The following MYEF2 variants were observed in gnomAD, a reference collection of about 807,000 sequenced individuals.
MYEF2 encodes myelin expression factor 2.
A neutral mutation model predicts 75.2 loss-of-function variants in MYEF2; 37 were observed. The observed-to-expected ratio is 0.49, with a 90% CI of 0.38 to 0.65. The LOEUF (loss-of-function observed/expected upper bound fraction) is 0.65, where lower values mean the gene tolerates loss of function less well. Ranked by LOEUF, MYEF2 falls within the 30% of genes least tolerant of loss-of-function variation. The pLI is 0.00. For missense variants in MYEF2, 634 were observed against 771.4 expected (o/e 0.82, Z 2.11); for synonymous variants, 195 against 241.6 (o/e 0.81, Z 1.79).
intron 16 of MYEF2, among the ~76,000 whole-genome samples, chr15:48,146,392 T>C (rs146615513): frequency 1.1e-3 from 165 of 152,070 alleles, no homozygotes; most frequent in African/African-American, 3.9e-3. Flanking sequence ...CTTTAGGGGC[T>C]TGATGGAACC....
rs554958539 is a variant in MYEF2 at position 48,140,544 on chromosome 15, T to G, written c.*2364A>C. 2 of 152,174 alleles carry G rather than the reference T, an allele frequency of 1.3e-5. No homozygotes were observed. Among genetic ancestry groups the G allele is most frequent in the African/African-American group, 2.4e-5 (1 of 41,424 alleles). The allele number at this position is 152,174 out of a possible 1,614,324, so 9.4% of individuals were successfully genotyped here. On this transcript the variant is annotated 3_prime_UTR_variant, in exon 17 of 17. Transcript: ENST00000324324. ...CAAATTTAACAGAAGTATTAATAAA[T>G]TGGGACCATATGTTAGACTCAAGTA...
intron 16 of MYEF2, among the ~76,000 whole-genome samples, chr15:48,144,980 T>C (rs191404780): frequency 6.6e-6 from 1 of 152,066 alleles, no homozygotes; most frequent in Non-Finnish European, 1.5e-5. Flanking sequence ...TCACTATTTC[T>C]TGCATAATCT....
At chr15:48,168,087 G>A (rs924241448) in intron 2 of MYEF2, among the ~76,000 whole-genome samples, 1 of 151,874 alleles carries the variant, frequency 6.6e-6, no homozygotes, top group African/African-American at 2.4e-5. Context: ...AACCAACCAT[G>A]TATATAAGAT....
In MYEF2 at chr15:48,141,261, G is replaced by T. The variant is rs1452856104; in HGVS notation, c.*1647C>A. ...CTGCAATGGTCATTCTACAAGGCTA[G>T]AATGAGTAAAAGTAGCTTTAAAAAT... On this transcript the variant is annotated 3_prime_UTR_variant, in exon 17 of 17. Transcript: ENST00000324324. 3 of 1,428,186 alleles carry T rather than the reference G, an allele frequency of 2.1e-6. No homozygotes were observed. The highest frequency in any genetic ancestry group is 3.0e-6 in the Non-Finnish European group (3 of 1,015,034). 88.5% of individuals were successfully genotyped at this position (1,428,186 alleles called of 1,614,324 possible).
intron 16 of MYEF2, among the ~76,000 whole-genome samples, chr15:48,145,881 C>T (rs1052447368): frequency 3.3e-5 from 5 of 151,876 alleles, no homozygotes; most frequent in African/African-American, 1.2e-4. Flanking sequence ...TGTACTATTA[C>T]TGCAATTTTA....
intron 5 of MYEF2, among the ~76,000 whole-genome samples, chr15:48,163,441 A>T (rs1437454736): frequency 6.6e-6 from 1 of 152,230 alleles, no homozygotes; most frequent in Non-Finnish European, 1.5e-5. Context: ...CTGGTTCATG[A>T]GATTTAAAGA....
chr15:48,150,681 C>T (rs2039459032), intron 14 of MYEF2, among the ~76,000 whole-genome samples: 1 of 151,842 alleles, frequency 6.6e-6, no homozygotes, highest in African/African-American at 2.4e-5. Flanking sequence ...CAGGAGATGC[C>T]TAAGAGTGCT....
At chr15:48,167,286 T>C (rs2040167299) in intron 3 of MYEF2, 63 bp downstream of exon 3, 3 of 1,514,424 alleles carry the variant, frequency 2.0e-6, no homozygotes, top group South Asian at 2.3e-5. Context: ...ACAAGTATTA[T>C]ACAAAAAGTA....
chr15:48,151,343 A>G (rs75263091), intron 13 of MYEF2, 130 bp downstream of exon 13: 3 of 1,050,012 alleles, frequency 2.9e-6, no homozygotes, highest in Non-Finnish European at 2.9e-6. Context: ...TAAAATCCTT[A>G]AAGTGTTTTC....
At chr15:48,164,846 G>A (rs1025632925) in intron 5 of MYEF2, among the ~76,000 whole-genome samples, 1 of 152,132 alleles carries the variant, frequency 6.6e-6, no homozygotes, top group Non-Finnish European at 1.5e-5. Context: ...TGTGCTTTTA[G>A]ACATAATGCT....
At position 48,142,563 on chromosome 15, in the gene MYEF2, A is replaced by G; in HGVS notation, c.*345T>C. Reference sequence around the variant, plus strand: ...TTATAAAACAGAAGTTTGGGGGGAAAAAATCTATGTTTTACCATACAATAA... The same window carrying G: ...TTATAAAACAGAAGTTTGGGGGGAAGAAATCTATGTTTTACCATACAATAA... On this transcript the variant is annotated 3_prime_UTR_variant, in exon 17 of 17. Coordinates refer to ENST00000324324, the MANE Select transcript of MYEF2 (RefSeq NM_016132.5). 2 of 479,778 alleles carry G rather than the reference A, an allele frequency of 4.2e-6. No homozygotes were observed. The highest frequency in any genetic ancestry group is 3.4e-5 in the East Asian group (1 of 29,374). 29.7% of individuals were successfully genotyped at this position (479,778 alleles called of 1,614,324 possible).
intron 14 of MYEF2, among the ~76,000 whole-genome samples, chr15:48,150,685 GAGTGC>G (rs2039459438): frequency 6.6e-6 from 1 of 151,978 alleles, no homozygotes; most frequent in African/African-American, 2.4e-5. Flanking sequence ...AGATGCCTAA[GAGTGC>G]TATATCTGCA....
At position 48,168,721 on chromosome 15, in the gene MYEF2, T is replaced by C; in HGVS notation, c.280A>G (p.Lys94Glu). ...SKDKNSGAGE[K>E]KGPNRNRVFI... ...ACTCTGTTACGATTTGGACCCTTCT[T>C]TTCTCCAGCGCCCGAATTCTTGTCT... The change falls in exon 2 of 17, where the codon AAG becomes GAG. Residue 94 changes from lysine (K) to glutamate (E), a missense_variant. Lys to Glu is a moderately conservative substitution (Grantham distance 56). Coordinates refer to ENST00000324324, the MANE Select transcript of MYEF2 (RefSeq NM_016132.5). 1.2e-6 allele frequency: 2 copies of C among 1,613,912 alleles called. No individual in the cohort carries two copies. The highest frequency in any genetic ancestry group is 2.2e-5 in the East Asian group (1 of 44,844).
rs1159481062 is a variant in MYEF2 at position 48,178,118 on chromosome 15, C to T, written c.120G>A (p.Lys40=). ...AGCTGCTGCTGTGCTGCGGCTGCTG[C>T]TTCTCCGCCTCCGCGGGGTGCGGCT... ...RREPHPAEAE[K]QQPQHSSSSN... is the part of the protein sequence containing the mutation. Residue 40 remains lysine, a synonymous_variant, in exon 1 of 17, where the codon AAG becomes AAA. Transcript: ENST00000324324. 6.3e-7 allele frequency: 1 copy of T among 1,594,684 alleles called. No individual in the cohort carries two copies. Among genetic ancestry groups the T allele is most frequent in the Non-Finnish European group, 8.5e-7 (1 of 1,171,544 alleles).
chr15:48,156,489 A>C (rs556659483), intron 9 of MYEF2, among the ~76,000 whole-genome samples: 2 of 152,066 alleles, frequency 1.3e-5, no homozygotes, highest in African/African-American at 4.8e-5. Context: ...TTAGAAAAAT[A>C]GAAATTACAA....
At chr15:48,153,236 G>T (rs1221061505) in intron 10 of MYEF2, 1 of 151,964 alleles carries the variant, frequency 6.6e-6, no homozygotes, top group Non-Finnish European at 1.5e-5. Context: ...TTTTTAATAT[G>T]TAATTTTTTT....
Position 48,141,301 on chromosome 15 carries a change from G to T in MYEF2, c.*1607C>A. ...GCTTTAAAAATGTTTACTTCCAGCC[G>T]GGTGTGGTGGCTCGCGCCTGTAATC... is the stretch of plus-strand genomic sequence containing the variant. On this transcript the variant is annotated 3_prime_UTR_variant, in exon 17 of 17. Coordinates refer to ENST00000324324, the MANE Select transcript of MYEF2 (RefSeq NM_016132.5). 5 of 1,109,544 alleles carry T rather than the reference G, an allele frequency of 4.5e-6. No individual in the cohort carries two copies. Among genetic ancestry groups the T allele is most frequent in the East Asian group, 2.6e-5 (1 of 38,918 alleles). The allele number at this position is 1,109,544 out of a possible 1,614,324, so 68.7% of individuals were successfully genotyped here.
rs1597280324 is a variant in MYEF2, at chr15:48,142,788, G to A, written c.*120C>T. ...TAACATTATACTGTTAAAAGCTGGT[G>A]GGAGTTTTAAAAGTTCATTTTTACA... On this transcript the variant is annotated 3_prime_UTR_variant, in exon 17 of 17. Coordinates refer to ENST00000324324, the MANE Select transcript of MYEF2 (RefSeq NM_016132.5). 2 of 941,558 alleles carry A rather than the reference G, an allele frequency of 2.1e-6. No individual in the cohort carries two copies. The highest frequency in any genetic ancestry group is 3.1e-6 in the Non-Finnish European group (2 of 653,370). 58.3% of individuals were successfully genotyped at this position (941,558 alleles called of 1,614,324 possible).
At position 48,169,178 on chromosome 15, in the gene MYEF2, G is replaced by C. The variant is rs76965207; in HGVS notation, c.162-339C>G. ...AAGAGCAGATAATTTTACTTCTAAGGTATCTAAAACTGCCACCTTTGATGG... is the reference window on the plus strand; with the variant it reads ...AAGAGCAGATAATTTTACTTCTAAGCTATCTAAAACTGCCACCTTTGATGG... On this transcript the variant is annotated intron_variant, in intron 1 of 16. Transcript: ENST00000324324. 7.1e-3 allele frequency among the ~76,000 whole-genome samples: 1,078 copies of C among 152,220 alleles called. 13 individuals carry two copies. Among genetic ancestry groups the C allele is most frequent in the African/African-American group, 0.025 (1,054 of 41,526 alleles).
Sources: gnomAD v4.1 joint callset for allele counts (sites outside exome capture counted in the v4.1 genomes callset) on GRCh38, gnomAD v4.1.1 for gene constraint, MANE v1.5 for transcripts, NCBI Gene and HGNC (gene_info 2026-07-23, HGNC 2026-07-21) for gene names.